The following MYO3A variants were observed in gnomAD, a reference collection of about 807,000 sequenced individuals.
MYO3A encodes the protein myosin IIIA.
MYO3A carries 180 observed loss-of-function variants against 192.7 expected under a neutral mutation model. The observed-to-expected ratio is 0.93, with a 90% CI of 0.83 to 1.06. MYO3A has a LOEUF of 1.06. Among genes scored for constraint, MYO3A ranks in the 50% least tolerant of loss-of-function variants. The probability of loss-of-function intolerance (pLI) is 0.00; values close to 1 mark genes in which losing one functional copy is unlikely to be tolerated. For synonymous variants in MYO3A, 628 were observed against 645.3 expected (o/e 0.97, Z 0.41); for missense variants, 1,896 against 1,905.0 (o/e 1.00, Z 0.09).
chr10:26,194,458 G>A (rs145539252), intron 32 of MYO3A, among the ~76,000 whole-genome samples: 19 of 152,178 alleles, frequency 1.2e-4, no homozygotes, highest in African/African-American at 4.1e-4. Flanking sequence ...CCTCTGGCTG[G>A]TCCCTCCATT....
At chr10:26,109,343 C>A (rs1838016468) in intron 17 of MYO3A, among the ~76,000 whole-genome samples, 1 of 152,162 alleles carries the variant, frequency 6.6e-6, no homozygotes, top group African/African-American at 2.4e-5. Context: ...TAGTCAACTG[C>A]AGTTTGAAAA....
At chr10:26,208,491 A>T (rs1844076002) in intron 34 of MYO3A, among the ~76,000 whole-genome samples, 1 of 152,224 alleles carries the variant, frequency 6.6e-6, no homozygotes, top group Non-Finnish European at 1.5e-5. Context: ...GCAAATTGAA[A>T]ATAACAAGAA....
intron 25 of MYO3A, 88 bp downstream of exon 25, chr10:26,154,911 G>C: frequency 9.1e-7 from 1 of 1,099,258 alleles, no homozygotes; most frequent in South Asian, 1.3e-5. Context: ...CACTAGCAAA[G>C]AGAATGTTTA....
In MYO3A at chr10:26,128,484, T is replaced by G. The variant is rs1364570848; in HGVS notation, c.2208T>G (p.Ile736Met). The change falls in exon 20 of 35, where the codon ATT becomes ATG. Residue 736 changes from isoleucine (I) to methionine (M), a missense_variant. Transcript: ENST00000642920. The stretch of plus-strand genomic sequence containing the variant: ...CCTTCGAGCAGCTGTGCATTAACAT[T>G]GCAAATGAACAAATTCAGTATTATT... ...KNSFEQLCINIANEQIQYYYN... is the reference protein window; with the variant it reads ...KNSFEQLCINMANEQIQYYYN... 1 of 1,612,886 alleles carries G rather than the reference T, an allele frequency of 6.2e-7. No individual in the cohort carries two copies. The highest frequency in any genetic ancestry group is 1.7e-4 in the Middle Eastern group (1 of 6,014).
chr10:26,170,745 C>T (rs1315489214), intron 29 of MYO3A, among the ~76,000 whole-genome samples: 2 of 152,156 alleles, frequency 1.3e-5, no homozygotes, highest in Non-Finnish European at 2.9e-5. Context: ...TGGCTTCTAC[C>T]AGATTGCTTT....
rs192459107 is a variant in MYO3A at position 26,174,398 on chromosome 10, G to T, written c.4134G>T (p.Arg1378Ser). The T allele has an allele frequency of 3.7e-6, 6 of 1,614,140 alleles. No homozygotes were observed. In the Admixed American group the frequency reaches 8.3e-5, roughly 22 times the overall value. ...KDKMSSFKHQRIVTTPTEVAR... is the reference protein window; with the variant it reads ...KDKMSSFKHQSIVTTPTEVAR... ...AGATGTCTTCTTTTAAGCATCAGAG[G>T]ATTGTCACAACACCAACAGAAGTAG... Residue 1378 changes from arginine to serine, a missense_variant, in exon 30 of 35, where the codon AGG (arginine) becomes AGT (serine). Physicochemically the swap from Arg to Ser is moderately radical, Grantham distance 110. Transcript: ENST00000642920.
intron 4 of MYO3A, among the ~76,000 whole-genome samples, chr10:25,979,434 T>C (rs1226690637): frequency 6.8e-6 from 1 of 146,392 alleles, no homozygotes; most frequent in Non-Finnish European, 1.5e-5. Context: ...AAGAAAACAG[T>C]GACCATACAG....
intron 14 of MYO3A, among the ~76,000 whole-genome samples, chr10:26,077,089 T>G (rs555102231): frequency 4.6e-5 from 7 of 152,216 alleles, no homozygotes; most frequent in Middle Eastern, 3.4e-3. Flanking sequence ...CTTTTGGCAG[T>G]ATTGTCATTT....
In MYO3A at chr10:26,026,245, A is replaced by G; in HGVS notation, c.798-132A>G. Reference sequence around the variant, plus strand: ...TGAGAGATTAAAAATTGCAATTAATATATTTTAAGCTTGGGCTGAGCATTT... The same window carrying G: ...TGAGAGATTAAAAATTGCAATTAATGTATTTTAAGCTTGGGCTGAGCATTT... On this transcript the variant is annotated intron_variant, in intron 9 of 34. Coordinates refer to ENST00000642920, the MANE Select transcript of MYO3A (RefSeq NM_017433.5). The G allele has an allele frequency of 2.8e-6, 3 of 1,069,956 alleles. No individual in the cohort carries two copies. In the South Asian group the frequency reaches 4.6e-5, roughly 17 times the overall value. 66.3% of individuals were successfully genotyped at this position (1,069,956 alleles called of 1,614,324 possible).
intron 6 of MYO3A, among the ~76,000 whole-genome samples, chr10:26,015,327 G>A (rs1841929838): frequency 6.6e-6 from 1 of 151,880 alleles, no homozygotes; most frequent in South Asian, 2.1e-4. Context: ...TGTTTATCTT[G>A]GTGACTTATT....
intron 20 of MYO3A, among the ~76,000 whole-genome samples, chr10:26,139,690 G>C (rs892344207): frequency 1.3e-5 from 2 of 151,958 alleles, no homozygotes; most frequent in African/African-American, 4.8e-5. Context: ...ATCATTTGAG[G>C]TCAGGCGTTT....
intron 31 of MYO3A, among the ~76,000 whole-genome samples, chr10:26,189,966 G>A (rs551580050): frequency 6.6e-6 from 1 of 152,262 alleles, no homozygotes; most frequent in Admixed American, 6.5e-5. Context: ...GGGAGAATGA[G>A]GCAGGAGAAT....
At chr10:25,968,477 C>T (rs1003157652) in intron 4 of MYO3A, among the ~76,000 whole-genome samples, 11 of 152,070 alleles carry the variant, frequency 7.2e-5, no homozygotes, top group Non-Finnish European at 2.9e-5. Context: ...TAAAAATCAC[C>T]ATCAGTGGTA....
At chr10:26,020,557 G>A (rs951964982) in intron 7 of MYO3A, among the ~76,000 whole-genome samples, 2 of 152,156 alleles carry the variant, frequency 1.3e-5, no homozygotes, top group African/African-American at 4.8e-5. Context: ...GTATTTAAAT[G>A]ACACAATTCT....
rs375965334 is a variant in MYO3A at position 25,991,339 on chromosome 10, C to T, written c.304-5151C>T. On this transcript the variant is annotated intron_variant, in intron 4 of 34. Coordinates refer to ENST00000642920, the MANE Select transcript of MYO3A (RefSeq NM_017433.5). Reference sequence around the variant, plus strand: ...TTGAGAAATGTCTGTTCATATCCTTCGCCCACTTGTTGATGGGGTTGTTTG... The same window carrying T: ...TTGAGAAATGTCTGTTCATATCCTTTGCCCACTTGTTGATGGGGTTGTTTG... Among the ~76,000 whole-genome samples the T allele has an allele frequency of 2.5e-4, 38 of 152,222 alleles. 1 individual carries two copies. Among genetic ancestry groups the T allele is most frequent in the East Asian group, 1.9e-3 (10 of 5,188 alleles).
rs756594994 is a variant in MYO3A, at chr10:26,166,194, A to G, written c.3111+16A>G. The G allele has an allele frequency of 8.3e-6, 13 of 1,559,368 alleles. No homozygotes were observed. The highest frequency in any genetic ancestry group is 1.1e-5 in the Non-Finnish European group (13 of 1,130,870). ...AAAAACAAAAGTAATGTTTTCATGT[A>G]ATTTTCAGGAAAATAAATAATTATG... On this transcript the variant is annotated intron_variant, in intron 27 of 34. Coordinates refer to ENST00000642920, the MANE Select transcript of MYO3A (RefSeq NM_017433.5).
chr10:26,062,530 A>AAAAAAACAAAAAAAAACG (rs1554816581), intron 10 of MYO3A, among the ~76,000 whole-genome samples: 2 of 125,944 alleles, frequency 1.6e-5, no homozygotes, highest in Non-Finnish European at 1.7e-5. Context: ...AAAAAAAAAA[A>AAAAAAACAAAAAAAAACG]AAATTATGGA....
At chr10:26,040,115 C>CT (rs1165303346) in intron 10 of MYO3A, among the ~76,000 whole-genome samples, 2 of 149,554 alleles carry the variant, frequency 1.3e-5, no homozygotes, top group African/African-American at 4.9e-5. Context: ...CAATTTCCTT[C>CT]TTAATGTCTT....
chr10:25,991,891 G>C (rs900497674), intron 4 of MYO3A, among the ~76,000 whole-genome samples: 29 of 152,328 alleles, frequency 1.9e-4, no homozygotes, highest in African/African-American at 7.0e-4. Context: ...TTTGGTACCA[G>C]TACCATGCTG....
Sources: allele counts gnomAD v4.1 joint callset (sites outside exome capture counted in the v4.1 genomes callset), GRCh38; gene constraint gnomAD v4.1.1; transcripts MANE v1.5; gene names NCBI Gene and HGNC (gene_info 2026-07-23, HGNC 2026-07-21).